ANKS1B: variants seen among roughly 807,000 people sequenced by gnomAD.
ANKS1B encodes the protein ankyrin repeat and sterile alpha motif domain-containing protein 1B.
Under a neutral mutation model 148.3 loss-of-function variants are expected in ANKS1B, and 36 were observed. The observed-to-expected ratio is 0.24, with a 90% CI of 0.19 to 0.32. ANKS1B has a LOEUF of 0.32. Ranked by LOEUF, ANKS1B falls within the 10% of genes least tolerant of loss-of-function variation. The pLI is 1.00. For synonymous variants in ANKS1B, 542 were observed against 560.8 expected, an observed-to-expected ratio of 0.97 and a Z score of 0.47; for missense variants, 1,157 against 1,542.6, an observed-to-expected ratio of 0.75 and a Z score of 4.19.
In ANKS1B at chr12:99,984,320, C is replaced by A. The variant is rs1223098496; in HGVS notation, c.-83G>T. The A allele has an allele frequency of 1.6e-6, 2 of 1,280,972 alleles. No homozygotes were observed. The highest frequency in any genetic ancestry group is 2.7e-4 in the Middle Eastern group (1 of 3,656). The allele number at this position is 1,280,972 out of a possible 1,614,324, so 79.4% of individuals were successfully genotyped here. The stretch of plus-strand genomic sequence containing the variant: ...CACCCCCACTCCCCAAAATCCAGGG[C>A]CCTCTTCGCCCCACCCTAAAATAAT... On this transcript the variant is annotated 5_prime_UTR_variant, in exon 1 of 27. Coordinates refer to ENST00000683438, the MANE Select transcript of ANKS1B (RefSeq NM_001352186.2).
In ANKS1B at chr12:98,805,307, C is replaced by CTTT. The variant is rs35982671; in HGVS notation, c.3141+2534_3141+2536dup. 4.8e-3 allele frequency among the ~76,000 whole-genome samples: 720 copies of CTTT among 149,914 alleles called. 8 individuals carry two copies. Among genetic ancestry groups the CTTT allele is most frequent in the South Asian group, 0.013 (62 of 4,758 alleles). Reference sequence around the variant, plus strand: ...TATTTTTTATATGTATGCTTAAGGCCTTTTTTTTTATTAAGCACACTAAAG... The same window carrying CTTT: ...TATTTTTTATATGTATGCTTAAGGCCTTTTTTTTTTTTATTAAGCACACTAAAG... On this transcript the variant is annotated intron_variant, in intron 20 of 26. Transcript: ENST00000683438.
chr12:99,666,557 C>T (rs566252670), intron 8 of ANKS1B, among the ~76,000 whole-genome samples: 2 of 151,386 alleles, frequency 1.3e-5, no homozygotes, highest in Non-Finnish European at 2.9e-5. Context: ...TATCTTTGCA[C>T]GTATTAGGTT....
At chr12:99,809,270 T>G (rs545414201) in intron 3 of ANKS1B, among the ~76,000 whole-genome samples, 1 of 152,174 alleles carries the variant, frequency 6.6e-6, no homozygotes, top group African/African-American at 2.4e-5. Context: ...CAAAAACTCT[T>G]GGTTCAGAGT....
At chr12:99,536,445 C>A (rs538820956) in intron 9 of ANKS1B, among the ~76,000 whole-genome samples, 1 of 152,244 alleles carries the variant, frequency 6.6e-6, no homozygotes, top group Non-Finnish European at 1.5e-5. Flanking sequence ...AATCAAATTT[C>A]TTCACAGCTA....
At chr12:99,685,938 C>A (rs2153492428) in intron 8 of ANKS1B, among the ~76,000 whole-genome samples, 1 of 152,060 alleles carries the variant, frequency 6.6e-6, no homozygotes, top group South Asian at 2.1e-4. Context: ...TATGAAGATA[C>A]AAAGGCATAA....
At chr12:99,799,497 C>G (rs1174560312) in intron 4 of ANKS1B, among the ~76,000 whole-genome samples, 2 of 152,110 alleles carry the variant, frequency 1.3e-5, no homozygotes, top group African/African-American at 2.4e-5. Context: ...TATTTTCTGT[C>G]ATCCCTACTA....
chr12:99,777,734 A>G (rs564837191), intron 6 of ANKS1B, among the ~76,000 whole-genome samples: 1 of 151,496 alleles, frequency 6.6e-6, no homozygotes, highest in Non-Finnish European at 1.5e-5. Context: ...ACAGGCGCCC[A>G]CCACCGCGCC....
chr12:99,269,301 GA>G (rs879589290), intron 12 of ANKS1B, among the ~76,000 whole-genome samples: 5 of 152,202 alleles, frequency 3.3e-5, no homozygotes, highest in Middle Eastern at 3.4e-3. Context: ...TTTATTTAGA[GA>G]AAATTATCTA....
intron 8 of ANKS1B, among the ~76,000 whole-genome samples, chr12:99,754,132 CAT>C (rs2061360776): frequency 6.6e-6 from 1 of 152,072 alleles, no homozygotes; most frequent in Non-Finnish European, 1.5e-5. Flanking sequence ...TAATGACACA[CAT>C]AGGCTCAAAA....
chr12:99,078,367 CTG>C (rs2048519458), intron 16 of ANKS1B, among the ~76,000 whole-genome samples: 1 of 152,116 alleles, frequency 6.6e-6, no homozygotes, highest in African/African-American at 2.4e-5. Flanking sequence ...TTTTAAGAAA[CTG>C]TGCTGTTTTA....
chr12:98,847,551 A>G (rs1473003048), intron 17 of ANKS1B, among the ~76,000 whole-genome samples: 1 of 152,132 alleles, frequency 6.6e-6, no homozygotes, highest in Non-Finnish European at 1.5e-5. Flanking sequence ...CATTGTGACT[A>G]ATGCTGCAAT....
chr12:99,909,090 A>G (rs1219752722), intron 1 of ANKS1B, among the ~76,000 whole-genome samples: 3 of 151,464 alleles, frequency 2.0e-5, no homozygotes, highest in African/African-American at 4.9e-5. Context: ...GATTCTGCAC[A>G]TAAGTGAGAT....
chr12:99,201,382 T>C (rs2054090183), intron 14 of ANKS1B, among the ~76,000 whole-genome samples: 2 of 152,034 alleles, frequency 1.3e-5, no homozygotes, highest in South Asian at 4.1e-4. Flanking sequence ...ACTGAATAAA[T>C]ACTCTTAACT....
At chr12:99,145,846 AT>A (rs1195559820) in intron 15 of ANKS1B, among the ~76,000 whole-genome samples, 1 of 151,990 alleles carries the variant, frequency 6.6e-6, no homozygotes, top group African/African-American at 2.4e-5. Flanking sequence ...TCTGCTGGCA[AT>A]TTTTTTAACC....
chr12:99,423,380 TTGG>T, intron 11 of ANKS1B, among the ~76,000 whole-genome samples: 1 of 152,264 alleles, frequency 6.6e-6, no homozygotes, highest in African/African-American at 2.4e-5. Context: ...TCATACACTG[TTGG>T]TGGGAGTGTA....
intron 15 of ANKS1B, among the ~76,000 whole-genome samples, chr12:99,133,056 C>CTT (rs58520928): frequency 9.3e-5 from 11 of 118,062 alleles, no homozygotes; most frequent in Non-Finnish European, 1.5e-4. Flanking sequence ...TTCTTTCTTT[C>CTT]TTTTTTTTTT....
intron 1 of ANKS1B, among the ~76,000 whole-genome samples, chr12:99,942,868 G>A (rs2094955074): frequency 6.6e-6 from 1 of 152,066 alleles, no homozygotes; most frequent in South Asian, 2.1e-4. Flanking sequence ...CAGCCACAGA[G>A]TTTGGATGGA....
intron 8 of ANKS1B, among the ~76,000 whole-genome samples, chr12:99,705,380 T>TC (rs2055573545): frequency 6.6e-6 from 1 of 152,030 alleles, no homozygotes; most frequent in African/African-American, 2.4e-5. Context: ...CCCTAAGAAC[T>TC]TCCCATTAGG....
chr12:99,968,072 G>A (rs1296145716), intron 1 of ANKS1B, among the ~76,000 whole-genome samples: 1 of 152,124 alleles, frequency 6.6e-6, no homozygotes, highest in Non-Finnish European at 1.5e-5. Context: ...AACCATGAAA[G>A]GAAGAAAGGC....
Sources: gnomAD v4.1 joint callset for allele counts (sites outside exome capture counted in the v4.1 genomes callset) on GRCh38, gnomAD v4.1.1 for gene constraint, MANE v1.5 for transcripts, NCBI Gene and HGNC (gene_info 2026-07-23, HGNC 2026-07-21) for gene names.